Variants in TOM1L2 observed in about 807,000 individuals in gnomAD.
TOM1L2 encodes the protein TOM1-like protein 2.
TOM1L2 carries 31 observed loss-of-function variants against 67.9 expected under a neutral mutation model. The observed-to-expected ratio is 0.46, with a 90% CI of 0.34 to 0.62. TOM1L2 has a LOEUF of 0.62. Among genes scored for constraint, TOM1L2 ranks in the 20% least tolerant of loss-of-function variants. The probability of loss-of-function intolerance (pLI) is 0.01; values close to 1 mark genes in which losing one functional copy is unlikely to be tolerated. For synonymous variants in TOM1L2, 256 were observed against 254.0 expected, an observed-to-expected ratio of 1.01 and a Z score of -0.07; for missense variants, 606 against 663.5, an observed-to-expected ratio of 0.91 and a Z score of 0.95.
intron 1 of TOM1L2, among the ~76,000 whole-genome samples, chr17:17,938,552 C>T (rs2040598302): frequency 2.0e-5 from 3 of 152,160 alleles, no homozygotes; most frequent in South Asian, 4.1e-4. Context: ...TGACGACGTG[C>T]TCTGGAAAAA....
intron 7 of TOM1L2, among the ~76,000 whole-genome samples, chr17:17,876,552 C>T (rs558447703): frequency 1.3e-5 from 2 of 152,308 alleles, no homozygotes; most frequent in Non-Finnish European, 2.9e-5. Flanking sequence ...GGGAGCCACA[C>T]CTTAGATCAA....
chr17:17,900,363 T>C (rs1217641781), intron 2 of TOM1L2, among the ~76,000 whole-genome samples: 1 of 151,084 alleles, frequency 6.6e-6, no homozygotes, highest in Non-Finnish European at 1.5e-5. Context: ...CTACTAAAAA[T>C]ACAAAAAAAT....
At position 17,847,846 on chromosome 17, in the gene TOM1L2, C is replaced by T; in HGVS notation, c.1376-63G>A. Reference sequence around the variant, plus strand: ...GGGCAGGCCACCAGAGGAAGCGCACCCTTCCACTCCCCAGCCCGTTTCCTC... The same window carrying T: ...GGGCAGGCCACCAGAGGAAGCGCACTCTTCCACTCCCCAGCCCGTTTCCTC... On this transcript the variant is annotated intron_variant, in intron 14 of 14. Coordinates refer to ENST00000379504, the MANE Select transcript of TOM1L2 (RefSeq NM_001082968.2). 1.9e-6 allele frequency: 3 copies of T among 1,604,590 alleles called. No individual in the cohort carries two copies. In the South Asian group the frequency reaches 3.3e-5, roughly 18 times the overall value.
At chr17:17,934,123 G>C (rs2040430933) in intron 1 of TOM1L2, among the ~76,000 whole-genome samples, 1 of 152,182 alleles carries the variant, frequency 6.6e-6, no homozygotes, top group Admixed American at 6.5e-5. Context: ...TATATTAAAA[G>C]TATGTACAGT....
chr17:17,947,466 A>T (rs568242490), intron 1 of TOM1L2, among the ~76,000 whole-genome samples: 1 of 152,342 alleles, frequency 6.6e-6, no homozygotes, highest in East Asian at 1.9e-4. Context: ...TTAAGTTAAA[A>T]TGGGGCCCTA....
intron 1 of TOM1L2, among the ~76,000 whole-genome samples, chr17:17,967,985 GCA>G (rs927284693): frequency 1.4e-4 from 21 of 152,318 alleles, no homozygotes; most frequent in African/African-American, 4.8e-4. Flanking sequence ...TGCAAGAAAT[GCA>G]CAGTTAACTA....
chr17:17,966,034 T>A (rs2041860767), intron 1 of TOM1L2, among the ~76,000 whole-genome samples: 1 of 152,020 alleles, frequency 6.6e-6, no homozygotes, highest in South Asian at 2.1e-4. Flanking sequence ...GACAGGAGAA[T>A]CCCTTAAACC....
intron 10 of TOM1L2, among the ~76,000 whole-genome samples, chr17:17,865,286 G>T (rs566223129): frequency 2.0e-5 from 3 of 152,332 alleles, no homozygotes; most frequent in South Asian, 2.1e-4. Flanking sequence ...ATCAATCACA[G>T]ACTTTTCTAA....
intron 1 of TOM1L2, among the ~76,000 whole-genome samples, chr17:17,916,199 G>T (rs1204587469): frequency 6.6e-6 from 1 of 151,102 alleles, no homozygotes. Flanking sequence ...TCAGCCTCCT[G>T]AGTAGCTGAG....
Position 17,845,336 on chromosome 17 carries a change from G to A in TOM1L2, c.*2299C>T, listed in dbSNP as rs2035587885. Reference sequence around the variant, plus strand: ...CAGCCAGGCCTCTCCAATGATGCCTGGCAACCAGCTGGCGCTGGCGCTGGA... The same window carrying A: ...CAGCCAGGCCTCTCCAATGATGCCTAGCAACCAGCTGGCGCTGGCGCTGGA... On this transcript the variant is annotated 3_prime_UTR_variant, in exon 15 of 15. Coordinates refer to ENST00000379504, the MANE Select transcript of TOM1L2 (RefSeq NM_001082968.2). 1 of 152,276 alleles carries A rather than the reference G, an allele frequency of 6.6e-6. No individual in the cohort carries two copies. Among genetic ancestry groups the A allele is most frequent in the Non-Finnish European group, 1.5e-5 (1 of 68,066 alleles). 9.4% of individuals were successfully genotyped at this position (152,276 alleles called of 1,614,324 possible). A position where few individuals can be genotyped will look rare whatever the true frequency, so the allele number is the denominator to read the frequency against.
At chr17:17,867,506 T>C (rs2036922104) in intron 8 of TOM1L2, among the ~76,000 whole-genome samples, 1 of 152,094 alleles carries the variant, frequency 6.6e-6, no homozygotes. Context: ...AGTCAGGCAG[T>C]GCAGGGGGAG....
chr17:17,876,068 T>C (rs2143952545), intron 7 of TOM1L2, among the ~76,000 whole-genome samples: 1 of 152,378 alleles, frequency 6.6e-6, no homozygotes, highest in East Asian at 1.9e-4. Flanking sequence ...ATCATTGTAT[T>C]AATTAAAAGT....
chr17:17,861,822 G>A (rs2036575144), intron 11 of TOM1L2: 6 of 395,428 alleles, frequency 1.5e-5, no homozygotes, highest in South Asian at 1.5e-4. Context: ...CCTCTCTTGA[G>A]TAACAATACT....
intron 12 of TOM1L2, among the ~76,000 whole-genome samples, chr17:17,860,223 T>G (rs2036479572): frequency 6.6e-6 from 1 of 152,220 alleles, no homozygotes; most frequent in Admixed American, 6.5e-5. Context: ...GGCTCTCTAA[T>G]GCCCACGCTG....
At chr17:17,866,821 C>T (rs2036871286) in intron 9 of TOM1L2, 55 bp downstream of exon 9, 9 of 1,531,932 alleles carry the variant, frequency 5.9e-6, no homozygotes, top group Non-Finnish European at 7.2e-6. Context: ...GCCTCCAAAA[C>T]GTGGAGGGGT....
At chr17:17,926,713 C>T (rs2040100124) in intron 1 of TOM1L2, among the ~76,000 whole-genome samples, 1 of 151,978 alleles carries the variant, frequency 6.6e-6, no homozygotes, top group African/African-American at 2.4e-5. Context: ...CAAAAATTAG[C>T]TGGGCCTGGT....
In TOM1L2 at chr17:17,965,042, T is replaced by TAGAC. The variant is rs377004879; in HGVS notation, c.52+7216_52+7219dup. ...CCTTTCTGTTTCTGAGGGGGCTTCATAGACAGTGTCCCTACCCTTGACCAC... is the reference window on the plus strand; with the variant it reads ...CCTTTCTGTTTCTGAGGGGGCTTCATAGACAGACAGTGTCCCTACCCTTGACCAC... On this transcript the variant is annotated intron_variant, in intron 1 of 14. Transcript: ENST00000379504. Among the ~76,000 whole-genome samples, 339 of 152,290 alleles carry TAGAC rather than the reference T, an allele frequency of 2.2e-3. 4 individuals are homozygous for TAGAC. The highest frequency in any genetic ancestry group is 7.8e-3 in the African/African-American group (323 of 41,530).
At chr17:17,923,430 A>G (rs1447458371) in intron 1 of TOM1L2, among the ~76,000 whole-genome samples, 2 of 152,100 alleles carry the variant, frequency 1.3e-5, no homozygotes, top group Non-Finnish European at 2.9e-5. Context: ...AACAACAACA[A>G]CAACAACAAC....
chr17:17,954,029 C>T (rs1344525166), intron 1 of TOM1L2, among the ~76,000 whole-genome samples: 1 of 152,218 alleles, frequency 6.6e-6, no homozygotes, highest in Non-Finnish European at 1.5e-5. Context: ...TTCAAATAGT[C>T]AGATAATTAT....
Sources: allele counts gnomAD v4.1 joint callset (sites outside exome capture counted in the v4.1 genomes callset), GRCh38; gene constraint gnomAD v4.1.1; transcripts MANE v1.5; gene names NCBI Gene and HGNC (gene_info 2026-07-23, HGNC 2026-07-21).